The following STK3 variants were observed in gnomAD, a reference collection of about 807,000 sequenced individuals.
The protein encoded by STK3 is serine/threonine-protein kinase 3.
A neutral mutation model predicts 58.0 loss-of-function variants in STK3; 41 were observed. The observed-to-expected ratio is 0.71, with a 90% CI of 0.55 to 0.92. The LOEUF is 0.92. Among genes scored for constraint, STK3 ranks in the 40% least tolerant of loss-of-function variants. The probability of loss-of-function intolerance (pLI) is 0.00; values close to 1 mark genes in which losing one functional copy is unlikely to be tolerated. For missense variants in STK3, 479 were observed against 602.7 expected, an observed-to-expected ratio of 0.79 and a Z score of 2.15; for synonymous variants, 170 against 191.0, an observed-to-expected ratio of 0.89 and a Z score of 0.91.
At chr8:98,710,411 A>T (rs1293133663) in intron 4 of STK3, among the ~76,000 whole-genome samples, 4 of 152,216 alleles carry the variant, frequency 2.6e-5, no homozygotes, top group Non-Finnish European at 5.9e-5. Context: ...GGGGTGACAG[A>T]TGGCACCTGG....
In STK3 at chr8:98,709,986, G is replaced by C. The variant is rs138061707; in HGVS notation, c.352-2675C>G. Among the ~76,000 whole-genome samples, 1,034 of 151,958 alleles carry C rather than the reference G, an allele frequency of 6.8e-3. 8 individuals are homozygous for C. The highest frequency in any genetic ancestry group is 0.023 in the African/African-American group (970 of 41,440). On this transcript the variant is annotated intron_variant, in intron 4 of 10. Coordinates refer to ENST00000419617, the MANE Select transcript of STK3 (RefSeq NM_006281.4). ...ACTTTTGCACCAGCCTAATACTTCT[G>C]TTACATATAGTACTGGAGGTTCTAG...
intron 1 of STK3, among the ~76,000 whole-genome samples, chr8:98,897,469 A>G (rs1463614641): frequency 6.6e-6 from 1 of 151,622 alleles, no homozygotes; most frequent in Non-Finnish European, 1.5e-5. Flanking sequence ...AGGCTGAGGC[A>G]GGAGAATGGC....
chr8:98,736,879 CAG>C (rs1218351539), intron 4 of STK3, among the ~76,000 whole-genome samples: 1 of 152,034 alleles, frequency 6.6e-6, no homozygotes, highest in Non-Finnish European at 1.5e-5. Flanking sequence ...AGACAATATC[CAG>C]AAAGTTTCTA....
intron 3 of STK3, chr8:98,427,226 A>G (rs1346348619): frequency 4.0e-5 from 6 of 150,122 alleles, no homozygotes; most frequent in African/African-American, 1.2e-4. Flanking sequence ...ACACACTCGC[A>G]CCCGCGCACG....
intron 3 of STK3, among the ~76,000 whole-genome samples, chr8:98,834,125 G>T (rs1217684923): frequency 6.6e-6 from 1 of 152,156 alleles, no homozygotes; most frequent in Non-Finnish European, 1.5e-5. Context: ...GTAGCTATAA[G>T]TGTACCTAAT....
Position 98,800,518 on chromosome 8 carries a change from A to C in STK3, c.26+24997T>G, listed in dbSNP as rs1000563364. On this transcript the variant is annotated intron_variant, in intron 1 of 10. Coordinates refer to ENST00000419617, the MANE Select transcript of STK3 (RefSeq NM_006281.4). This position sits in a 1 kb window ranked among gnomAD's most constrained non-coding sequence, Gnocchi z 4.8. ...GAGGAGCCCTTCAGCCTGCCGCTGCACTGTGGGAGCCCCTCTCTGGGCTGG... is the reference window on the plus strand; with the variant it reads ...GAGGAGCCCTTCAGCCTGCCGCTGCCCTGTGGGAGCCCCTCTCTGGGCTGG... Among the ~76,000 whole-genome samples the C allele has an allele frequency of 3.9e-5, 6 of 152,222 alleles. No individual in the cohort carries two copies. Among genetic ancestry groups the C allele is most frequent in the Admixed American group, 1.3e-4 (2 of 15,294 alleles).
chr8:98,903,557 C>CTTCTTTTT (rs1564093746), intron 1 of STK3, among the ~76,000 whole-genome samples: 1 of 9,926 alleles, frequency 1.0e-4, no homozygotes. Context: ...CTTCTTCTTC[C>CTTCTTTTT]TTTTTTTTTT....
chr8:98,876,140 C>T (rs1473250336), intron 3 of STK3, among the ~76,000 whole-genome samples: 4 of 152,152 alleles, frequency 2.6e-5, no homozygotes, highest in Admixed American at 2.6e-4. Flanking sequence ...TTCTGGGGTA[C>T]AACATGGGAG....
Position 98,923,586 on chromosome 8 carries a change from G to A in STK3, c.-79+18792C>T, listed in dbSNP as rs112764141. 1.6e-4 allele frequency among the ~76,000 whole-genome samples: 24 copies of A among 152,172 alleles called. 1 individual carries two copies. Among genetic ancestry groups the A allele is most frequent in the African/African-American group, 3.4e-4 (14 of 41,510 alleles). On this transcript the variant is annotated intron_variant, in intron 1 of 1. Coordinates refer to the STK3 transcript ENST00000519420. ...GTGAACATGGCCTGAGAAACCCCAC[G>A]GGCATGTCCTTAAGCACAGAACGAC...
chr8:98,416,692 C>A (rs147248898), intron 3 of STK3, among the ~76,000 whole-genome samples: 4,412 of 152,264 alleles, frequency 0.029, 115 homozygotes, highest in Non-Finnish European at 0.038. Context: ...AATTAAACTG[C>A]CCTAAATTAG....
chr8:98,769,042 C>A (rs1308595034), intron 2 of STK3, among the ~76,000 whole-genome samples: 1 of 152,190 alleles, frequency 6.6e-6, no homozygotes, highest in African/African-American at 2.4e-5. Flanking sequence ...CAACAGTTTT[C>A]ATGAACTTTG....
intron 3 of STK3, among the ~76,000 whole-genome samples, chr8:98,412,121 A>T (rs1431441769): frequency 2.0e-5 from 3 of 152,144 alleles, no homozygotes; most frequent in African/African-American, 7.2e-5. Context: ...GCTAGCTTCT[A>T]TTGCTCCCGA....
intron 4 of STK3, among the ~76,000 whole-genome samples, chr8:98,718,914 C>A (rs1382446513): frequency 6.6e-6 from 1 of 151,992 alleles, no homozygotes; most frequent in Non-Finnish European, 1.5e-5. Context: ...AAAGGGTCCA[C>A]AAGAATGTTT....
chr8:98,833,507 T>C (rs900700088), intron 3 of STK3, among the ~76,000 whole-genome samples: 1 of 152,138 alleles, frequency 6.6e-6, no homozygotes, highest in African/African-American at 2.4e-5. Flanking sequence ...AGTAAATTTT[T>C]CCCACAAGAG....
chr8:98,568,566 C>T (rs994548254), intron 8 of STK3, among the ~76,000 whole-genome samples: 20 of 151,978 alleles, frequency 1.3e-4, no homozygotes, highest in Admixed American at 1.2e-3. Flanking sequence ...ATATAATCCC[C>T]GTACATTTGA....
intron 9 of STK3, among the ~76,000 whole-genome samples, chr8:98,537,444 A>T (rs375917515): frequency 6.6e-6 from 1 of 152,180 alleles, no homozygotes; most frequent in Non-Finnish European, 1.5e-5. Context: ...AGGGAGATAC[A>T]TGTTCACAGA....
chr8:98,492,824 TTCTC>T (rs1298057492), intron 10 of STK3, among the ~76,000 whole-genome samples: 1 of 152,146 alleles, frequency 6.6e-6, no homozygotes, highest in Non-Finnish European at 1.5e-5. Flanking sequence ...CAGATGTGGT[TTCTC>T]TACTAGTGCT....
At chr8:98,786,687 A>T (rs775446004) in intron 1 of STK3, among the ~76,000 whole-genome samples, 3 of 152,222 alleles carry the variant, frequency 2.0e-5, no homozygotes, top group Non-Finnish European at 4.4e-5. Context: ...TGATACAGAA[A>T]GAGAAAAAGC....
At chr8:98,910,884 T>C (rs929561797) in intron 1 of STK3, among the ~76,000 whole-genome samples, 1 of 152,212 alleles carries the variant, frequency 6.6e-6, no homozygotes, top group African/African-American at 2.4e-5. Context: ...AGAGAGATTA[T>C]AGCCCCAGGG....
Sources: allele counts gnomAD v4.1 joint callset (sites outside exome capture counted in the v4.1 genomes callset), GRCh38; gene constraint gnomAD v4.1.1; non-coding constraint Gnocchi (gnomAD v3.1); transcripts MANE v1.5; gene names NCBI Gene and HGNC (gene_info 2026-07-23, HGNC 2026-07-21).